The following STIM1 variants were observed in gnomAD, a reference collection of about 807,000 sequenced individuals.
STIM1 encodes stromal interaction molecule 1.
In STIM1, 25 loss-of-function variants were observed where a neutral mutation model predicts 74.7. That is an observed-to-expected ratio of 0.33 (90% CI 0.24 to 0.47). STIM1 has a LOEUF of 0.47. Ranked by LOEUF, STIM1 falls within the 20% of genes least tolerant of loss-of-function variation. The pLI is 1.00. For missense variants in STIM1, 728 were observed against 920.8 expected, an observed-to-expected ratio of 0.79 and a Z score of 2.71; for synonymous variants, 328 against 348.8, an observed-to-expected ratio of 0.94 and a Z score of 0.66.
chr11:4,008,296 C>G (rs185872734), intron 2 of STIM1, among the ~76,000 whole-genome samples: 4 of 152,204 alleles, frequency 2.6e-5, no homozygotes, highest in African/African-American at 9.6e-5. Flanking sequence ...CTATACACAT[C>G]TAGCATACTC....
intron 2 of STIM1, among the ~76,000 whole-genome samples, chr11:3,980,102 A>G (rs1430635376): frequency 6.6e-6 from 1 of 152,140 alleles, no homozygotes; most frequent in African/African-American, 2.4e-5. Context: ...TGTTTTGTCT[A>G]TAACTTTGTG....
At chr11:4,025,301 G>T (rs1234931009) in intron 3 of STIM1, among the ~76,000 whole-genome samples, 1 of 152,200 alleles carries the variant, frequency 6.6e-6, no homozygotes, top group Non-Finnish European at 1.5e-5. Context: ...TTCTAATCCT[G>T]ATTATGGGAT....
At chr11:4,007,142 G>A (rs767575798) in intron 2 of STIM1, among the ~76,000 whole-genome samples, 1 of 152,104 alleles carries the variant, frequency 6.6e-6, no homozygotes, top group South Asian at 2.1e-4. Context: ...TGGGCGCATG[G>A]AACTAAATAT....
chr11:4,048,109 C>T (rs2094208490), intron 3 of STIM1, among the ~76,000 whole-genome samples: 1 of 152,076 alleles, frequency 6.6e-6, no homozygotes, highest in Non-Finnish European at 1.5e-5. Flanking sequence ...GTTGAGCCAC[C>T]GTGCCTGGCC....
At chr11:3,870,869 CTTTTTTTT>C (rs1178631644) in intron 1 of STIM1, among the ~76,000 whole-genome samples, 5 of 98,154 alleles carry the variant, frequency 5.1e-5, no homozygotes, top group South Asian at 3.8e-4. Flanking sequence ...ATCAGCTACT[CTTTTTTTT>C]TTTTTTTTTT....
chr11:3,890,309 A>G (rs2091856516), intron 1 of STIM1, among the ~76,000 whole-genome samples: 1 of 152,170 alleles, frequency 6.6e-6, no homozygotes, highest in Non-Finnish European at 1.5e-5. Context: ...GATTTCTGTG[A>G]TCATCCTCTT....
chr11:4,007,776 C>A (rs1343208966), intron 2 of STIM1, among the ~76,000 whole-genome samples: 1 of 152,098 alleles, frequency 6.6e-6, no homozygotes, highest in Non-Finnish European at 1.5e-5. Flanking sequence ...GGTCAGAGGG[C>A]ATTGTAAGTG....
At chr11:3,965,424 C>A (rs886870751) in intron 1 of STIM1, among the ~76,000 whole-genome samples, 1 of 152,144 alleles carries the variant, frequency 6.6e-6, no homozygotes, top group African/African-American at 2.4e-5. Flanking sequence ...TGTTTTTATG[C>A]CCCATGCTGA....
intron 2 of STIM1, among the ~76,000 whole-genome samples, chr11:3,970,297 A>G (rs891870324): frequency 2.0e-5 from 3 of 152,148 alleles, no homozygotes; most frequent in South Asian, 2.1e-4. Context: ...TCTCCCTGCA[A>G]TCTCAGGCCT....
intron 1 of STIM1, among the ~76,000 whole-genome samples, chr11:3,861,150 G>C (rs1300786313): frequency 6.6e-6 from 1 of 151,858 alleles, no homozygotes; most frequent in African/African-American, 2.4e-5. Flanking sequence ...TCATTAGGCA[G>C]AGTTGCTTCA....
At chr11:4,062,909 A>G (rs905572794) in intron 5 of STIM1, among the ~76,000 whole-genome samples, 2 of 152,244 alleles carry the variant, frequency 1.3e-5, no homozygotes, top group East Asian at 1.9e-4. Context: ...TACATACAAT[A>G]GAATATTAAT....
intron 1 of STIM1, among the ~76,000 whole-genome samples, chr11:3,859,264 T>A (rs1164046423): frequency 6.6e-6 from 1 of 152,218 alleles, no homozygotes; most frequent in Non-Finnish European, 1.5e-5. Context: ...AGGCAGGTGC[T>A]CTACAAGGAG....
At chr11:3,967,410 A>G in intron 1 of STIM1, 142 bp from the exon 2 acceptor site, 1 of 1,245,820 alleles carries the variant, frequency 8.0e-7, no homozygotes, top group South Asian at 1.2e-5. Context: ...GTCTAGATGA[A>G]ACACCTCTGT....
intron 2 of STIM1, among the ~76,000 whole-genome samples, chr11:3,969,588 G>A (rs1280205372): frequency 2.0e-5 from 3 of 152,174 alleles, no homozygotes; most frequent in South Asian, 4.1e-4. Context: ...TTTAAAGGAA[G>A]AGAAAAAATA....
Position 4,070,120 on chromosome 11 carries a change from C to T in STIM1, c.708C>T (p.Tyr236=), listed in dbSNP as rs1008735461. The change falls in exon 6 of 13, where the codon TAC becomes TAT. Residue 236 remains tyrosine, a synonymous_variant. Coordinates refer to ENST00000526596, the MANE Select transcript of STIM1 (RefSeq NM_001382567.1). ...GCWFAYIQNR[Y]SKEHMKKMMK... ...GGTTTGCCTATATCCAGAACCGTTA[C>T]TCCAAGGAGCACATGAAGAAGATGA... 6.2e-7 allele frequency: 1 copy of T among 1,614,086 alleles called. No individual in the cohort carries two copies.
chr11:4,003,073 A>C (rs1172425340), intron 2 of STIM1, among the ~76,000 whole-genome samples: 6 of 148,312 alleles, frequency 4.0e-5, no homozygotes, highest in African/African-American at 1.2e-4. Flanking sequence ...CAATAACAGG[A>C]TCTGAAATTG....
chr11:3,974,640 C>G (rs1170674560), intron 2 of STIM1, among the ~76,000 whole-genome samples: 2 of 151,842 alleles, frequency 1.3e-5, no homozygotes, highest in Non-Finnish European at 2.9e-5. Context: ...TAAGTGCCAT[C>G]TTTGCTTGCT....
rs1326546711 is a variant in STIM1, at chr11:4,074,818, C to A, written c.969+139C>A. Reference sequence around the variant, plus strand: ...TGTTCTAGAGTCACTGGACTCTTACCAACAATAAGAGTTCAAGTTGTAAAA... The same window carrying A: ...TGTTCTAGAGTCACTGGACTCTTACAAACAATAAGAGTTCAAGTTGTAAAA... On this transcript the variant is annotated intron_variant, in intron 7 of 12. Coordinates refer to ENST00000526596, the MANE Select transcript of STIM1 (RefSeq NM_001382567.1). 6 of 971,432 alleles carry A rather than the reference C, an allele frequency of 6.2e-6. No homozygotes were observed. The Admixed American group carries it at 7.5e-5, about 12-fold the overall frequency. 60.2% of individuals were successfully genotyped at this position (971,432 alleles called of 1,614,324 possible). A position where few individuals can be genotyped will look rare whatever the true frequency, so the allele number is the denominator to read the frequency against.
intron 2 of STIM1, among the ~76,000 whole-genome samples, chr11:4,006,442 T>G (rs1043538591): frequency 1.3e-5 from 2 of 152,136 alleles, no homozygotes; most frequent in African/African-American, 4.8e-5. Context: ...TTTGGCGGAG[T>G]CTCATGCTGT....
Sources: allele counts gnomAD v4.1 joint callset (sites outside exome capture counted in the v4.1 genomes callset), GRCh38; gene constraint gnomAD v4.1.1; transcripts MANE v1.5; gene names NCBI Gene and HGNC (gene_info 2026-07-23, HGNC 2026-07-21).